Variants in CUX1 observed in about 807,000 individuals in gnomAD.
The protein encoded by CUX1 is cut like homeobox 1, also known as protein CASP.
CUX1 carries 31 observed loss-of-function variants against 158.8 expected under a neutral mutation model. The observed-to-expected ratio is 0.20, with a 90% CI of 0.15 to 0.26. CUX1 has a LOEUF of 0.26. CUX1 is among the 10% of genes least tolerant of loss of function. The pLI, the probability that CUX1 is intolerant of heterozygous loss-of-function variation, is 1.00. For missense variants in CUX1, 1,589 were observed against 2,014.6 expected, an observed-to-expected ratio of 0.79 and a Z score of 4.04; for synonymous variants, 879 against 862.1, an observed-to-expected ratio of 1.02 and a Z score of -0.34.
rs1801247973 is a variant in CUX1 at position 102,249,478 on chromosome 7, G to A, written c.*436G>A. On this transcript the variant is annotated 3_prime_UTR_variant, in exon 24 of 24. Transcript: ENST00000292535. Reference sequence around the variant, plus strand: ...GTGTGGTCGAGCTTTTTTGTACCCTGAAGTGTTTTTTTTATTGCCCTAAGT... The same window carrying A: ...GTGTGGTCGAGCTTTTTTGTACCCTAAAGTGTTTTTTTTATTGCCCTAAGT... 1.0e-6 allele frequency: 1 copy of A among 985,436 alleles called. No homozygotes were observed. The highest frequency in any genetic ancestry group is 1.2e-6 in the Non-Finnish European group (1 of 829,610). 61.0% of individuals were successfully genotyped at this position (985,436 alleles called of 1,614,324 possible). A position where few individuals can be genotyped will look rare whatever the true frequency, so the allele number is the denominator to read the frequency against.
intron 1 of CUX1, among the ~76,000 whole-genome samples, chr7:101,824,230 A>G (rs1259923749): frequency 1.3e-5 from 2 of 152,162 alleles, no homozygotes; most frequent in Non-Finnish European, 2.9e-5. Flanking sequence ...CTGTGATTAC[A>G]GGTGTGCACC....
At chr7:102,242,289 G>A (rs966453411) in intron 23 of CUX1, among the ~76,000 whole-genome samples, 39 of 137,500 alleles carry the variant, frequency 2.8e-4, no homozygotes, top group African/African-American at 9.8e-4. Flanking sequence ...TCGGCTCACT[G>A]CAACCTCTGC....
rs766481286 is a variant in CUX1, at chr7:101,903,526, G to C, written c.31-12589G>C. On this transcript the variant is annotated intron_variant, in intron 1 of 23. Transcript: ENST00000292535. ...CAGTAAAGAATACTGCTTATAAAAC[G>C]GACATTTTTTTGTAGCTCAAAAATG... 5.9e-5 allele frequency among the ~76,000 whole-genome samples: 9 copies of C among 152,222 alleles called. No homozygotes were observed. In the South Asian group the frequency reaches 6.2e-4, roughly 11 times the overall value.
downstream of CUX1, among the ~76,000 whole-genome samples, chr7:102,261,476 A>G (rs566568291): frequency 6.6e-6 from 1 of 152,268 alleles, no homozygotes; most frequent in East Asian, 1.9e-4. Flanking sequence ...CCTGGGCAAC[A>G]GAGTGAGACT....
chr7:102,077,526 T>TC lies in CUX1; in HGVS notation c.268+7109_268+7110insC, dbSNP rs1272294194. On this transcript the variant is annotated intron_variant, in intron 4 of 23. Transcript: ENST00000292535. ...GCAACATAGCAAAACCCCCCATCTC[T>TC]TTAAAAAAAAAAAAAAAAAAAAAGA... Among the ~76,000 whole-genome samples the TC allele has an allele frequency of 1.7e-4, 12 of 71,134 alleles. No individual in the cohort carries two copies. In the Admixed American group the frequency reaches 2.3e-3, roughly 14 times the overall value. The allele number at this position is 71,134 out of a possible 152,430, so 46.7% of individuals were successfully genotyped here.
upstream of CUX1, chr7:101,816,948 G>A (rs957010845): frequency 9.7e-5 from 95 of 982,756 alleles, no homozygotes; most frequent in Middle Eastern, 5.2e-4. Flanking sequence ...GTCCCGGGGA[G>A]CGCCCCGGGG....
chr7:102,278,318 G>A (rs535820565), intron 18 of CUX1, among the ~76,000 whole-genome samples: 7 of 152,264 alleles, frequency 4.6e-5, no homozygotes, highest in Admixed American at 6.5e-5. Flanking sequence ...GACCAGGCAC[G>A]GTGGCTCATG....
At position 102,124,671 on chromosome 7, in the gene CUX1, A is replaced by G. The variant is rs114036790; in HGVS notation, c.674+9398A>G. ...ATGGTGGTTACCAGGGGGTGAGGAG[A>G]GGTTGGTTAAATGATACATATTTAT... On this transcript the variant is annotated intron_variant, in intron 8 of 23. Coordinates refer to ENST00000292535, the MANE Select transcript of CUX1 (RefSeq NM_181552.4). Among the ~76,000 whole-genome samples, 1,033 of 152,236 alleles carry G rather than the reference A, an allele frequency of 6.8e-3. 14 individuals carry two copies. Among genetic ancestry groups the G allele is most frequent in the African/African-American group, 0.023 (959 of 41,524 alleles).
chr7:102,146,267 A>T (rs1835010833), intron 8 of CUX1, among the ~76,000 whole-genome samples: 3 of 152,124 alleles, frequency 2.0e-5, no homozygotes, highest in African/African-American at 7.2e-5. Flanking sequence ...CAGCTGTCCC[A>T]TGTTCCCTGC....
intron 2 of CUX1, among the ~76,000 whole-genome samples, chr7:101,994,346 T>C (rs1302142459): frequency 1.3e-5 from 2 of 152,224 alleles, no homozygotes; most frequent in East Asian, 3.9e-4. Context: ...CTCATGCCTC[T>C]AATCCCCAGC....
chr7:102,221,477 G>A (rs1797787178), intron 20 of CUX1, among the ~76,000 whole-genome samples: 1 of 152,068 alleles, frequency 6.6e-6, no homozygotes, highest in South Asian at 2.1e-4. Flanking sequence ...TAGAGGGCCG[G>A]GTATGGAAAT....
intron 3 of CUX1, among the ~76,000 whole-genome samples, chr7:102,067,320 C>T (rs1437949734): frequency 6.7e-6 from 1 of 149,802 alleles, no homozygotes; most frequent in Non-Finnish European, 1.5e-5. Flanking sequence ...GCATCCTCCA[C>T]CTCCGGAGTA....
chr7:101,820,003 A>G (rs1472929255), intron 1 of CUX1, among the ~76,000 whole-genome samples: 1 of 152,196 alleles, frequency 6.6e-6, no homozygotes, highest in Non-Finnish European at 1.5e-5. Context: ...TGAAACCTTT[A>G]ATGGCTATTT....
At chr7:101,858,547 C>G (rs184422237) in intron 1 of CUX1, among the ~76,000 whole-genome samples, 15 of 151,962 alleles carry the variant, frequency 9.9e-5, no homozygotes, top group Admixed American at 9.2e-4. Context: ...AAAACAATGA[C>G]TTTGTTCTTA....
At chr7:101,862,730 C>T (rs960688981) in intron 1 of CUX1, among the ~76,000 whole-genome samples, 1 of 152,090 alleles carries the variant, frequency 6.6e-6, no homozygotes, top group Non-Finnish European at 1.5e-5. Context: ...GTGGAGACCA[C>T]GGTGTCCCTT....
intron 2 of CUX1, among the ~76,000 whole-genome samples, chr7:101,968,985 G>A (rs2129187776): frequency 6.6e-6 from 1 of 152,126 alleles, no homozygotes; most frequent in Non-Finnish European, 1.5e-5. Flanking sequence ...TACTGGAAAC[G>A]CCATGAGCTG....
At chr7:102,204,101 T>C (rs1795716543) in intron 18 of CUX1, among the ~76,000 whole-genome samples, 1 of 152,158 alleles carries the variant, frequency 6.6e-6, no homozygotes, top group Non-Finnish European at 1.5e-5. Flanking sequence ...CCTGCCATCT[T>C]GGCAGGATCA....
intron 3 of CUX1, among the ~76,000 whole-genome samples, chr7:102,068,385 A>G (rs1002237323): frequency 6.6e-6 from 1 of 152,028 alleles, no homozygotes; most frequent in African/African-American, 2.4e-5. Flanking sequence ...CCAAAGTGCT[A>G]TGATTACAGG....
At position 101,829,206 on chromosome 7, in the gene CUX1, T is replaced by C. The variant is rs148380066; in HGVS notation, c.30+11537T>C. ...TGTCTTGACTTTCCCTGTTCTGGAG[T>C]GAGGACGGCTTGATGTTTCAGCAAA... On this transcript the variant is annotated intron_variant, in intron 1 of 23. Transcript: ENST00000292535. Among the ~76,000 whole-genome samples, 6 of 152,100 alleles carry C rather than the reference T, an allele frequency of 3.9e-5. No homozygotes were observed. In the East Asian group the frequency reaches 1.2e-3, roughly 30 times the overall value.
Sources: allele counts gnomAD v4.1 joint callset (sites outside exome capture counted in the v4.1 genomes callset), GRCh38; gene constraint gnomAD v4.1.1; transcripts MANE v1.5; gene names NCBI Gene and HGNC (gene_info 2026-07-23, HGNC 2026-07-21).